NUP188: variants seen among roughly 807,000 people sequenced by gnomAD.
The protein encoded by NUP188 is nucleoporin NUP188.
Under a neutral mutation model 223.0 loss-of-function variants are expected in NUP188, and 97 were observed. The ratio of observed to expected loss-of-function variants is 0.43; its 90% confidence interval spans 0.37 to 0.51. NUP188 has a LOEUF of 0.51. Ranked by LOEUF, NUP188 falls within the 20% of genes least tolerant of loss-of-function variation. The pLI, the probability that NUP188 is intolerant of heterozygous loss-of-function variation, is 0.00. For missense variants in NUP188, 1,947 were observed against 2,175.6 expected (o/e 0.89, Z 2.09); for synonymous variants, 869 against 828.0 (o/e 1.05, Z -0.85).
chr9:128,968,273 T>A (rs1842058910), intron 8 of NUP188, among the ~76,000 whole-genome samples: 2 of 148,186 alleles, frequency 1.3e-5, no homozygotes, highest in South Asian at 4.2e-4. Context: ...ATCTGTCTCT[T>A]AAAAAAAAAA....
At chr9:128,990,946 AGG>A in intron 25 of NUP188, among the ~76,000 whole-genome samples, 1 of 152,130 alleles carries the variant, frequency 6.6e-6, no homozygotes, top group Non-Finnish European at 1.5e-5. Context: ...TGAACCCGGG[AGG>A]CAGAAGTTGC....
rs1035673111 is a variant in NUP188, at chr9:128,983,884, G to A, written c.1961+334G>A. Among the ~76,000 whole-genome samples, 6 of 152,004 alleles carry A rather than the reference G, an allele frequency of 3.9e-5. No homozygotes were observed. The East Asian group carries it at 5.8e-4, about 15-fold the overall frequency. ...TACCGAGGCCAGAGTGCAGTGGCAC[G>A]ATCTAAGCTCACTGCAGCCTCTGCC... On this transcript the variant is annotated intron_variant, in intron 19 of 43. Coordinates refer to ENST00000372577, the MANE Select transcript of NUP188 (RefSeq NM_015354.3).
intron 12 of NUP188, among the ~76,000 whole-genome samples, chr9:128,978,003 C>T (rs1158718297): frequency 6.6e-6 from 1 of 152,160 alleles, no homozygotes; most frequent in Non-Finnish European, 1.5e-5. Context: ...ATTTCTGGCT[C>T]AGAGAGATGA....
chr9:129,002,862 G>A lies in NUP188; in HGVS notation c.4183G>A (p.Gly1395Arg). Residue 1395 changes from glycine (G) to arginine (R), a missense_variant, in exon 37 of 44, where the codon GGA becomes AGA. Gly to Arg is a moderately radical substitution (Grantham distance 125, BLOSUM62 -2). Transcript: ENST00000372577. Reference protein sequence around the residue: ...RKSLDAPSWPGVYRLSMSLME... With the variant: ...RKSLDAPSWPRVYRLSMSLME... ...GTCCCTGGATGCCCCCTCTTGGCCA[G>A]GAGTCTACCGCCTGTCCATGTCCCT... The A allele has an allele frequency of 1.2e-6, 2 of 1,614,202 alleles. No homozygotes were observed. The highest frequency in any genetic ancestry group is 1.7e-6 in the Non-Finnish European group (2 of 1,180,044).
chr9:128,998,272 T>C, intron 31 of NUP188, 44 bp downstream of exon 31: 1 of 1,520,038 alleles, frequency 6.6e-7, no homozygotes, highest in Non-Finnish European at 9.1e-7. Context: ...AGGGAGGTTG[T>C]CTTTGAAGTC....
At chr9:128,965,762 T>A (rs905254411) in intron 8 of NUP188, among the ~76,000 whole-genome samples, 1 of 151,882 alleles carries the variant, frequency 6.6e-6, no homozygotes, top group South Asian at 2.1e-4. Flanking sequence ...CAGTTTTCTT[T>A]ATTGTAATGT....
intron 8 of NUP188, among the ~76,000 whole-genome samples, chr9:128,962,314 T>A (rs1193225925): frequency 6.7e-6 from 1 of 149,686 alleles, no homozygotes; most frequent in East Asian, 2.0e-4. Context: ...AGTGGCACGA[T>A]CTCGGCTCTC....
intron 11 of NUP188, among the ~76,000 whole-genome samples, chr9:128,972,149 A>G (rs1483831405): frequency 6.6e-6 from 1 of 152,240 alleles, no homozygotes; most frequent in Non-Finnish European, 1.5e-5. Context: ...AAACATACAC[A>G]CAGACCTTTA....
Position 128,948,095 on chromosome 9 carries a change from A to C in NUP188, c.32+344A>C, listed in dbSNP as rs1841716245. 1.3e-5 allele frequency: 3 copies of C among 235,770 alleles called. No individual in the cohort carries two copies. In the Admixed American group the frequency reaches 1.7e-4, roughly 13 times the overall value. 14.6% of individuals were successfully genotyped at this position (235,770 alleles called of 1,614,324 possible). Reference sequence around the variant, plus strand: ...TCCGGCCGTGACGCTCCCTCGAGCCACGGGGAGCTTTGCGGTCTCCTGGGG... The same window carrying C: ...TCCGGCCGTGACGCTCCCTCGAGCCCCGGGGAGCTTTGCGGTCTCCTGGGG... On this transcript the variant is annotated intron_variant, in intron 1 of 43. Coordinates refer to ENST00000372577, the MANE Select transcript of NUP188 (RefSeq NM_015354.3).
chr9:128,987,514 C>T (rs1176929982), intron 22 of NUP188, 75 bp from the exon 23 acceptor site: 2 of 1,496,716 alleles, frequency 1.3e-6, no homozygotes, highest in Admixed American at 2.0e-5. Flanking sequence ...CCACCCTAGC[C>T]TAATTGGACA....
intron 3 of NUP188, among the ~76,000 whole-genome samples, chr9:128,954,070 TCTG>T (rs1425611715): frequency 6.6e-6 from 1 of 152,150 alleles, no homozygotes; most frequent in African/African-American, 2.4e-5. Flanking sequence ...TCTCAAGTGA[TCTG>T]CTCACCTCGG....
chr9:129,006,181 TCAA>T, intron 42 of NUP188, 55 bp from the exon 43 acceptor site: 1 of 1,614,128 alleles, frequency 6.2e-7, no homozygotes, highest in Non-Finnish European at 8.5e-7. Context: ...CCCACTGTTC[TCAA>T]GCTTGGCCAG....
At chr9:128,983,083 C>A in intron 17 of NUP188, 55 bp downstream of exon 17, 1 of 1,602,838 alleles carries the variant, frequency 6.2e-7, no homozygotes, top group Non-Finnish European at 8.5e-7. Flanking sequence ...AGCACTTGTG[C>A]CCTCAGTTTG....
chr9:128,952,864 G>A lies in NUP188; in HGVS notation c.161+18G>A. ...CCTCCCAGGTATGGCAGTTCCGGGT[G>A]TCTGGTTAAAGTAATTGTCCTAAGG... is the stretch of plus-strand genomic sequence containing the variant. On this transcript the variant is annotated intron_variant, in intron 3 of 43. Transcript: ENST00000372577. The A allele has an allele frequency of 6.2e-7, 1 of 1,602,798 alleles. No individual in the cohort carries two copies. Among genetic ancestry groups the A allele is most frequent in the Non-Finnish European group, 8.5e-7 (1 of 1,169,758 alleles).
intron 12 of NUP188, among the ~76,000 whole-genome samples, chr9:128,977,415 G>C (rs980786597): frequency 6.6e-6 from 1 of 151,654 alleles, no homozygotes; most frequent in East Asian, 2.0e-4. Context: ...CACCGTGCCC[G>C]ACCAGGTACT....
chr9:129,002,224 A>C (rs1377058193), intron 36 of NUP188, among the ~76,000 whole-genome samples: 1 of 152,226 alleles, frequency 6.6e-6, no homozygotes, highest in African/African-American at 2.4e-5. Context: ...GGTGTGAGGA[A>C]GACTAAACCA....
chr9:128,990,282 T>A (rs1227370762), intron 25 of NUP188, 56 bp downstream of exon 25: 1 of 1,398,662 alleles, frequency 7.1e-7, no homozygotes, highest in Non-Finnish European at 1.0e-6. Flanking sequence ...TTTTTCCCCC[T>A]GATTACAAAA....
At chr9:128,949,580 C>G (rs958491030) in intron 2 of NUP188, among the ~76,000 whole-genome samples, 1 of 151,984 alleles carries the variant, frequency 6.6e-6, no homozygotes, top group African/African-American at 2.4e-5. Flanking sequence ...GATCTGCCCT[C>G]CTTGGCCTCC....
chr9:128,993,534 C>T lies in NUP188; in HGVS notation c.2857C>T (p.Leu953Phe). The change falls in exon 27 of 44, where the codon CTT (leucine) becomes TTT (phenylalanine). Residue 953 changes from leucine to phenylalanine, a missense_variant. Physicochemically the swap from Leu to Phe is conservative, Grantham distance 22 (BLOSUM62 0). Transcript: ENST00000372577. ...CTGTCCCTTCTTGCAGGAATTCAGCCTTGGGATGTGGAGCTGTCTCCATGC... is the reference window on the plus strand; with the variant it reads ...CTGTCCCTTCTTGCAGGAATTCAGCTTTGGGATGTGGAGCTGTCTCCATGC... Reference protein sequence around the residue: ...DGSDGSKEFSLGMWSCLHAVL... With the variant: ...DGSDGSKEFSFGMWSCLHAVL... The T allele has an allele frequency of 3.1e-6, 5 of 1,614,154 alleles. No homozygotes were observed. Among genetic ancestry groups the T allele is most frequent in the Non-Finnish European group, 4.2e-6 (5 of 1,180,012 alleles).
Sources: gnomAD v4.1 joint callset for allele counts (sites outside exome capture counted in the v4.1 genomes callset) on GRCh38, gnomAD v4.1.1 for gene constraint, MANE v1.5 for transcripts, NCBI Gene and HGNC (gene_info 2026-07-23, HGNC 2026-07-21) for gene names.